Variants in GNAO1 observed in about 807,000 individuals in gnomAD.
GNAO1 encodes guanine nucleotide-binding protein G(o) subunit alpha.
For synonymous variants in GNAO1, 164 were observed against 180.7 expected (o/e 0.91, Z 0.74); for missense variants, 166 against 478.7 (o/e 0.35, Z 6.10).
intron 2 of GNAO1, among the ~76,000 whole-genome samples, chr16:56,204,239 G>A (rs1378047851): frequency 6.6e-6 from 1 of 152,188 alleles, no homozygotes. Flanking sequence ...AGAGGATATG[G>A]CAGGTGAACC....
intron 2 of GNAO1, among the ~76,000 whole-genome samples, chr16:56,219,477 A>G (rs1348586951): frequency 6.6e-6 from 1 of 152,160 alleles, no homozygotes; most frequent in Non-Finnish European, 1.5e-5. Context: ...TTAGTTTGTC[A>G]GCTCATCATG....
intron 2 of GNAO1, among the ~76,000 whole-genome samples, chr16:56,204,395 T>TCCA (rs1364778679): frequency 6.6e-6 from 1 of 151,996 alleles, no homozygotes; most frequent in East Asian, 1.9e-4. Context: ...TGAGAGTGGA[T>TCCA]GTGGTGTCCC....
At chr16:56,332,602 C>T (rs1567487414) in intron 4 of GNAO1, among the ~76,000 whole-genome samples, 1 of 152,234 alleles carries the variant, frequency 6.6e-6, no homozygotes, top group Non-Finnish European at 1.5e-5. Context: ...GTCGACTGCC[C>T]CATCCCCAGC....
intron 2 of GNAO1, among the ~76,000 whole-genome samples, chr16:56,238,866 T>C: frequency 6.6e-6 from 1 of 152,300 alleles, no homozygotes; most frequent in East Asian, 1.9e-4. Context: ...TATATGTTTC[T>C]AGACTTCTTT....
At chr16:56,238,465 G>A (rs1337384206) in intron 2 of GNAO1, among the ~76,000 whole-genome samples, 5 of 152,238 alleles carry the variant, frequency 3.3e-5, no homozygotes, top group Admixed American at 3.3e-4. Context: ...CAGCACCACA[G>A]TCACAGAGTC....
chr16:56,349,754 G>A lies in GNAO1; in HGVS notation c.724-1630G>A, dbSNP rs375022235. On this transcript the variant is annotated intron_variant, in intron 6 of 8. Transcript: ENST00000262493. ...GTGCCCCTGAGAGGCAGCTGAGAAC[G>A]CTGCCCTCCGCCGACCAACTTCAGC... Among the ~76,000 whole-genome samples the A allele has an allele frequency of 5.3e-5, 8 of 152,272 alleles. No individual in the cohort carries two copies. In the South Asian group the frequency reaches 1.0e-3, roughly 20 times the overall value.
Position 56,268,631 on chromosome 16 carries a change from T to G in GNAO1, c.162-7300T>G, listed in dbSNP as rs371198877. On this transcript the variant is annotated intron_variant, in intron 2 of 8. Coordinates refer to ENST00000262493, the MANE Select transcript of GNAO1 (RefSeq NM_020988.3). ...GAAACAAAACATACAAAGAAGAAAG[T>G]TTAAAAAAATCACTGAATGCCACCA... is the stretch of plus-strand genomic sequence containing the variant. 2.0e-5 allele frequency among the ~76,000 whole-genome samples: 3 copies of G among 152,104 alleles called. No homozygotes were observed. The East Asian group carries it at 5.8e-4, about 29-fold the overall frequency.
intron 6 of GNAO1, among the ~76,000 whole-genome samples, chr16:56,341,995 G>A (rs1472427148): frequency 6.6e-6 from 1 of 152,216 alleles, no homozygotes; most frequent in Non-Finnish European, 1.5e-5. Context: ...CCTACCTCCT[G>A]CCTCCGCCCA....
At chr16:56,209,702 A>G (rs995103037) in intron 2 of GNAO1, among the ~76,000 whole-genome samples, 1 of 152,126 alleles carries the variant, frequency 6.6e-6, no homozygotes, top group Non-Finnish European at 1.5e-5. Flanking sequence ...TTATAACTAG[A>G]TACTTAATGT....
At chr16:56,320,259 C>T (rs1388315781) in intron 3 of GNAO1, among the ~76,000 whole-genome samples, 2 of 152,144 alleles carry the variant, frequency 1.3e-5, no homozygotes, top group Non-Finnish European at 2.9e-5. Flanking sequence ...GCGGGTTGCT[C>T]TTATCTCTAT....
chr16:56,321,943 C>G (rs766336611), intron 3 of GNAO1, among the ~76,000 whole-genome samples: 1 of 152,206 alleles, frequency 6.6e-6, no homozygotes, highest in Non-Finnish European at 1.5e-5. Context: ...GTGGCTTATA[C>G]ACAACAGAAA....
chr16:56,292,568 C>G (rs1467503857), intron 3 of GNAO1, among the ~76,000 whole-genome samples: 1 of 152,040 alleles, frequency 6.6e-6, no homozygotes, highest in African/African-American at 2.4e-5. Flanking sequence ...CATTATGTTG[C>G]CCAGGCTGGT....
chr16:56,283,238 T>C (rs2037131036), intron 3 of GNAO1, among the ~76,000 whole-genome samples: 1 of 152,240 alleles, frequency 6.6e-6, no homozygotes, highest in Non-Finnish European at 1.5e-5. Flanking sequence ...AAGATTTTTC[T>C]GTTTCCATGC....
intron 2 of GNAO1, among the ~76,000 whole-genome samples, chr16:56,242,330 T>C (rs1235914459): frequency 6.6e-6 from 1 of 152,174 alleles, no homozygotes; most frequent in Non-Finnish European, 1.5e-5. Flanking sequence ...GATTCTAAAA[T>C]TCAAATGGAA....
At chr16:56,297,490 A>G (rs1230597251) in intron 3 of GNAO1, among the ~76,000 whole-genome samples, 1 of 150,150 alleles carries the variant, frequency 6.7e-6, no homozygotes, top group Non-Finnish European at 1.5e-5. Flanking sequence ...CCGGTGGATG[A>G]CATGGACACT....
At chr16:56,227,283 G>A (rs545871781) in intron 2 of GNAO1, among the ~76,000 whole-genome samples, 14 of 152,268 alleles carry the variant, frequency 9.2e-5, no homozygotes, top group African/African-American at 2.6e-4. Context: ...TTTGACACAC[G>A]TGACACTTGC....
chr16:56,195,263 C>A (rs2036222630), intron 2 of GNAO1, among the ~76,000 whole-genome samples: 1 of 152,064 alleles, frequency 6.6e-6, no homozygotes, highest in Non-Finnish European at 1.5e-5. Flanking sequence ...CACAAGGGAC[C>A]CTGGCGTCCT....
chr16:56,222,498 C>G (rs7206654), intron 2 of GNAO1, among the ~76,000 whole-genome samples: 71,139 of 151,880 alleles, frequency 0.47, 16,866 homozygotes, highest in East Asian at 0.6. Flanking sequence ...GAATGCCTCC[C>G]CACTCCCCAG....
intron 6 of GNAO1, chr16:56,346,202 A>G: frequency 2.0e-6 from 2 of 985,434 alleles, no homozygotes; most frequent in Non-Finnish European, 2.4e-6. Flanking sequence ...CTCCCTGTGC[A>G]TGACACCTGT....
Sources: gnomAD v4.1 joint callset for allele counts (sites outside exome capture counted in the v4.1 genomes callset) on GRCh38, gnomAD v4.1.1 for gene constraint, MANE v1.5 for transcripts, NCBI Gene and HGNC (gene_info 2026-07-23, HGNC 2026-07-21) for gene names.